The following PARD3B variants were observed in gnomAD, a reference collection of about 807,000 sequenced individuals.
PARD3B encodes par-3 family cell polarity regulator beta.
Under a neutral mutation model 130.2 loss-of-function variants are expected in PARD3B, and 103 were observed. That is an observed-to-expected ratio of 0.79 (90% CI 0.67 to 0.93). The LOEUF (loss-of-function observed/expected upper bound fraction) is 0.93, where lower values mean the gene tolerates loss of function less well. Among genes scored for constraint, PARD3B ranks in the 40% least tolerant of loss-of-function variants. PARD3B has a pLI of 0.00. For synonymous variants in PARD3B, 583 were observed against 553.2 expected (o/e 1.05, Z -0.76); for missense variants, 1,609 against 1,499.2 (o/e 1.07, Z -1.21).
intron 1 of PARD3B, among the ~76,000 whole-genome samples, chr2:204,634,358 ATAT>A (rs1170405305): frequency 1.3e-5 from 2 of 152,198 alleles, no homozygotes; most frequent in Non-Finnish European, 2.9e-5. Flanking sequence ...CCCATTGTGT[ATAT>A]ATACCACATT....
At chr2:205,164,811 A>G (rs1343313751) in intron 11 of PARD3B, among the ~76,000 whole-genome samples, 2 of 146,578 alleles carry the variant, frequency 1.4e-5, no homozygotes, top group African/African-American at 2.5e-5. Context: ...CCTATAGGCC[A>G]TATATATGTA....
chr2:205,592,168 T>A lies in PARD3B; in HGVS notation c.3261-23288T>A, dbSNP rs893029307. 6.6e-6 allele frequency among the ~76,000 whole-genome samples: 1 copy of A among 152,216 alleles called. No homozygotes were observed. The highest frequency in any genetic ancestry group is 1.9e-4 in the East Asian group (1 of 5,188). On this transcript the variant is annotated intron_variant, in intron 22 of 22. Coordinates refer to ENST00000406610, the MANE Select transcript of PARD3B (RefSeq NM_001302769.2). The surrounding 1 kb of genome is among the most constrained non-coding windows in gnomAD (Gnocchi z 4.5). ...AAGAAAATAAACACAGAGAAGTTTCTCATTCAAAGCCAATGGCAGAGCTGG... is the reference window on the plus strand; with the variant it reads ...AAGAAAATAAACACAGAGAAGTTTCACATTCAAAGCCAATGGCAGAGCTGG...
intron 1 of PARD3B, among the ~76,000 whole-genome samples, chr2:204,640,755 GTT>G (rs147670547): frequency 0.021 from 3,169 of 151,980 alleles, 51 homozygotes; most frequent in South Asian, 0.067. Context: ...AAATGTGAGT[GTT>G]TTCTTACTTT....
At chr2:205,188,266 C>A (rs2125792828) in intron 14 of PARD3B, among the ~76,000 whole-genome samples, 1 of 152,164 alleles carries the variant, frequency 6.6e-6, no homozygotes, top group Admixed American at 6.5e-5. Flanking sequence ...GTTAAGGAAA[C>A]CAGGGATGGG....
intron 15 of PARD3B, among the ~76,000 whole-genome samples, chr2:205,211,510 G>A (rs1010353536): frequency 1.3e-5 from 2 of 149,316 alleles, no homozygotes; most frequent in African/African-American, 5.0e-5. Context: ...CAAAGTTTGA[G>A]CGATGAGGTA....
At chr2:204,955,544 G>GA in intron 2 of PARD3B, among the ~76,000 whole-genome samples, 1 of 152,314 alleles carries the variant, frequency 6.6e-6, no homozygotes, top group South Asian at 2.1e-4. Context: ...GGATATAGCA[G>GA]AAAATGTAGA....
chr2:205,123,166 TC>T (rs1334030338), intron 8 of PARD3B, among the ~76,000 whole-genome samples: 1 of 152,194 alleles, frequency 6.6e-6, no homozygotes. Context: ...GTGCACTGCA[TC>T]TGTCTAAAGG....
In PARD3B at chr2:204,744,472, T is replaced by C. The variant is rs917230287; in HGVS notation, c.222+58190T>C. Among the ~76,000 whole-genome samples the C allele has an allele frequency of 5.3e-5, 8 of 152,264 alleles. 1 individual carries two copies. The highest frequency in any genetic ancestry group is 1.9e-4 in the African/African-American group (8 of 41,554). ...AGCTGACAGTTCTTATTTTTCAAGA[T>C]GGAACAGACAAATGTTTTTAATCTG... On this transcript the variant is annotated intron_variant, in intron 2 of 22. Coordinates refer to ENST00000406610, the MANE Select transcript of PARD3B (RefSeq NM_001302769.2).
rs114295161 is a variant in PARD3B at position 205,022,317 on chromosome 2, A to G, written c.395-25264A>G. ...AACAGAAATTGGAATTTGCCGGCCA[A>G]CACTGAATTGGAAATGCTTCCATTC... On this transcript the variant is annotated intron_variant, in intron 3 of 22. Transcript: ENST00000406610. Among the ~76,000 whole-genome samples the G allele has an allele frequency of 2.2e-3, 331 of 152,310 alleles. 2 individuals carry two copies. The highest frequency in any genetic ancestry group is 7.3e-3 in the African/African-American group (305 of 41,580).
chr2:205,570,727 C>G (rs2053532015), intron 22 of PARD3B, among the ~76,000 whole-genome samples: 2 of 152,118 alleles, frequency 1.3e-5, no homozygotes, highest in Admixed American at 6.6e-5. Context: ...GCTTTAGAGA[C>G]CAGACGTATG....
intron 11 of PARD3B, among the ~76,000 whole-genome samples, chr2:205,164,730 T>C (rs560513017): frequency 6.6e-6 from 1 of 152,108 alleles, no homozygotes; most frequent in Admixed American, 6.6e-5. Context: ...TGATATAGCA[T>C]GGTAATGATG....
At chr2:204,921,922 G>A (rs2047695965) in intron 2 of PARD3B, among the ~76,000 whole-genome samples, 2 of 152,102 alleles carry the variant, frequency 1.3e-5, no homozygotes. Flanking sequence ...AATCTGCAGA[G>A]TTGTACAACT....
intron 3 of PARD3B, among the ~76,000 whole-genome samples, chr2:205,045,112 GT>G (rs201589277): frequency 0.11 from 15,696 of 138,496 alleles, 820 homozygotes; most frequent in African/African-American, 0.12. Context: ...CCATCTTAAA[GT>G]TTTTTTTTTT....
At chr2:205,383,117 T>TAGAG (rs1553500373) in intron 18 of PARD3B, among the ~76,000 whole-genome samples, 2 of 149,826 alleles carry the variant, frequency 1.3e-5, no homozygotes, top group Non-Finnish European at 1.5e-5. Context: ...GATAGATAGA[T>TAGAG]AGATAGATAG....
chr2:205,398,554 A>G (rs1253654945), intron 18 of PARD3B, among the ~76,000 whole-genome samples: 1 of 152,140 alleles, frequency 6.6e-6, no homozygotes, highest in African/African-American at 2.4e-5. Flanking sequence ...AGAGATGGAG[A>G]GATGGCAATG....
intron 22 of PARD3B, among the ~76,000 whole-genome samples, chr2:205,605,650 C>T (rs1393219478): frequency 2.6e-5 from 4 of 152,116 alleles, no homozygotes; most frequent in Non-Finnish European, 5.9e-5. Flanking sequence ...AGAGGGGCAT[C>T]GACCTGATGC....
chr2:205,434,939 A>G (rs1015311531), intron 19 of PARD3B, among the ~76,000 whole-genome samples: 52 of 152,180 alleles, frequency 3.4e-4, no homozygotes, highest in African/African-American at 1.3e-3. Context: ...GAGAGTTGAG[A>G]AACTACCTGT....
intron 10 of PARD3B, among the ~76,000 whole-genome samples, chr2:205,154,440 C>T (rs1163042558): frequency 1.3e-5 from 2 of 152,190 alleles, no homozygotes; most frequent in African/African-American, 2.4e-5. Flanking sequence ...CACTTTTACA[C>T]TGTTGTGGGA....
intron 19 of PARD3B, among the ~76,000 whole-genome samples, chr2:205,428,295 G>C (rs1413475293): frequency 6.6e-6 from 1 of 152,158 alleles, no homozygotes; most frequent in Non-Finnish European, 1.5e-5. Flanking sequence ...TGGGAGGATT[G>C]CTTGAGCCCA....
Sources: allele counts gnomAD v4.1 joint callset (sites outside exome capture counted in the v4.1 genomes callset), GRCh38; gene constraint gnomAD v4.1.1; non-coding constraint Gnocchi (gnomAD v3.1); transcripts MANE v1.5; gene names NCBI Gene and HGNC (gene_info 2026-07-23, HGNC 2026-07-21).